Variants in RAB26 observed in about 807,000 individuals in gnomAD.
The protein encoded by RAB26 is RAB26, member RAS oncogene family.
A neutral mutation model predicts 33.1 loss-of-function variants in RAB26; 39 were observed. The ratio of observed to expected loss-of-function variants is 1.18; its 90% confidence interval spans 0.91 to 1.54. The LOEUF (loss-of-function observed/expected upper bound fraction) is 1.54. Ranked by LOEUF, RAB26 falls within the 40% of genes most tolerant of loss-of-function variation. RAB26 has a pLI of 0.00. For missense variants in RAB26, 468 were observed against 362.9 expected (o/e 1.29, Z -2.35); for synonymous variants, 192 against 151.9 (o/e 1.26, Z -1.94).
In RAB26 at chr16:2,152,789, G is replaced by A. The variant is rs371794793; in HGVS notation, c.469-31G>A. 11 of 1,594,578 alleles carry A rather than the reference G, an allele frequency of 6.9e-6. No individual in the cohort carries two copies. The South Asian group carries it at 1.2e-4, about 18-fold the overall frequency. On this transcript the variant is annotated intron_variant, in intron 5 of 8. Coordinates refer to ENST00000210187, the MANE Select transcript of RAB26 (RefSeq NM_014353.5). ...TGGGGCATGGGGCAAGCCATGCAGG[G>A]AGCCCCAGCCTGGTCTGCTGCCTCC...
Position 2,148,702 on chromosome 16 carries a change from G to A in RAB26, c.-82G>A. 3.4e-6 allele frequency: 4 copies of A among 1,168,188 alleles called. No individual in the cohort carries two copies. Among genetic ancestry groups the A allele is most frequent in the Non-Finnish European group, 3.2e-6 (3 of 938,040 alleles). The allele number at this position is 1,168,188 out of a possible 1,614,324, so 72.4% of individuals were successfully genotyped here. ...GCCGCCAGGGGAAGGGTTCGGGTCC[G>A]GGTCGGGCTCGGCGGGCGCGGGGTG... On this transcript the variant is annotated 5_prime_UTR_variant, in exon 1 of 9. Coordinates refer to ENST00000210187, the MANE Select transcript of RAB26 (RefSeq NM_014353.5).
intron 5 of RAB26, among the ~76,000 whole-genome samples, chr16:2,152,542 G>A (rs1038784937): frequency 1.3e-5 from 2 of 151,898 alleles, no homozygotes; most frequent in Non-Finnish European, 1.5e-5. Context: ...GTGGTGGTGC[G>A]TAACTGTAAT....
intron 2 of RAB26, 39 bp from the exon 3 acceptor site, chr16:2,151,530 T>A: frequency 3.1e-6 from 5 of 1,612,876 alleles, no homozygotes; most frequent in Non-Finnish European, 3.4e-6. Context: ...GAGGCTGGGC[T>A]GGGCCCATGC....
At chr16:2,151,831 T>C (rs2093006067) in intron 4 of RAB26, 25 bp from the exon 5 acceptor site, 2 of 1,614,044 alleles carry the variant, frequency 1.2e-6, no homozygotes, top group South Asian at 1.1e-5. Flanking sequence ...TGATGGTGGA[T>C]GTCCTCACTG....
rs752537050 is a variant in RAB26, at chr16:2,153,197, G to A, written c.643G>A (p.Asp215Asn). 2.5e-6 allele frequency: 4 copies of A among 1,613,702 alleles called. No homozygotes were observed. Among genetic ancestry groups the A allele is most frequent in the East Asian group, 2.2e-5 (1 of 44,890 alleles). Residue 215 changes from aspartate (D) to asparagine (N), a missense_variant, in exon 8 of 9, where the codon GAC becomes AAC. Asp to Asn is a conservative substitution (Grantham distance 23). Transcript: ENST00000210187. The part of the protein sequence containing the change: ...ETSAKTGLNV[D>N]LAFTAIAKEL... The stretch of plus-strand genomic sequence containing the variant: ...CAGCGCCAAGACGGGCCTCAACGTG[G>A]ACTTGGCCTTCACAGCCATAGCAAA...
At position 2,153,813 on chromosome 16, in the gene RAB26, C is replaced by T. The variant is rs905057792; in HGVS notation, c.*392C>T. 2.8e-5 allele frequency: 13 copies of T among 466,122 alleles called. No individual in the cohort carries two copies. The highest frequency in any genetic ancestry group is 1.6e-4 in the African/African-American group (8 of 50,514). 28.9% of individuals were successfully genotyped at this position (466,122 alleles called of 1,614,324 possible). A position where few individuals can be genotyped will look rare whatever the true frequency, so the allele number is the denominator to read the frequency against. On this transcript the variant is annotated 3_prime_UTR_variant, in exon 9 of 9. Coordinates refer to ENST00000210187, the MANE Select transcript of RAB26 (RefSeq NM_014353.5). ...ACATGCTCAGGCAGCTAAGGGAGGACGCCTGCCCACGCCTGGGACAGAAGG... is the reference window on the plus strand; with the variant it reads ...ACATGCTCAGGCAGCTAAGGGAGGATGCCTGCCCACGCCTGGGACAGAAGG...
intron 4 of RAB26, 40 bp from the exon 5 acceptor site, chr16:2,151,816 G>A (rs1168877992): frequency 2.5e-6 from 4 of 1,613,988 alleles, no homozygotes; most frequent in East Asian, 4.5e-5. Flanking sequence ...ACCTGAGGGT[G>A]CAGGTGATGG....
chr16:2,153,426 G>T lies in RAB26; in HGVS notation c.*5G>T. On this transcript the variant is annotated 3_prime_UTR_variant, in exon 9 of 9. Transcript: ENST00000210187. ...GCCTCCTGCTGCCGCCCTTGAACCT[G>T]GCTGAGCTCAGTCCTCTGGAGGAAG... 6.2e-7 allele frequency: 1 copy of T among 1,613,104 alleles called. No homozygotes were observed. The highest frequency in any genetic ancestry group is 1.1e-5 in the South Asian group (1 of 91,070).
Position 2,153,057 on chromosome 16 carries a change from C to T in RAB26, c.591+12C>T, listed in dbSNP as rs372546950. On this transcript the variant is annotated intron_variant, in intron 7 of 8. Transcript: ENST00000210187. ...AGAAGCTGGCCAAGGTGAGTCAGGG[C>T]AGGGGGGTGGTGAGGGGGTGCCCCT... 5.0e-6 allele frequency: 8 copies of T among 1,610,846 alleles called. No individual in the cohort carries two copies. Among genetic ancestry groups the T allele is most frequent in the East Asian group, 2.2e-5 (1 of 44,812 alleles).
At chr16:2,149,862 GCTC>G (rs1340370594) in intron 1 of RAB26, 76 bp from the exon 2 acceptor site, 9 of 1,160,064 alleles carry the variant, frequency 7.8e-6, no homozygotes, top group Non-Finnish European at 1.1e-5. Flanking sequence ...CTCCACTCCT[GCTC>G]CTCACCTGCA....
chr16:2,152,735 C>T (rs950677567), intron 5 of RAB26, 85 bp from the exon 6 acceptor site: 1 of 883,020 alleles, frequency 1.1e-6, no homozygotes, highest in Non-Finnish European at 1.7e-6. Flanking sequence ...CAGGTGCCCT[C>T]TACAGTGTGA....
At chr16:2,149,872 T>G in intron 1 of RAB26, 69 bp from the exon 2 acceptor site, 2 of 1,258,664 alleles carry the variant, frequency 1.6e-6, no homozygotes, top group Non-Finnish European at 2.1e-6. Context: ...GCTCCTCACC[T>G]GCAGCCCCCT....
intron 4 of RAB26, 31 bp from the exon 5 acceptor site, chr16:2,151,825 G>A (rs769809265): frequency 1.9e-6 from 3 of 1,613,996 alleles, no homozygotes; most frequent in Non-Finnish European, 2.5e-6. Context: ...TGCAGGTGAT[G>A]GTGGATGTCC....
Position 2,153,481 on chromosome 16 carries a change from G to T in RAB26, c.*60G>T, listed in dbSNP as rs546341114. 1.2e-5 allele frequency: 18 copies of T among 1,514,454 alleles called. No individual in the cohort carries two copies. The East Asian group carries it at 4.1e-4, about 35-fold the overall frequency. 93.8% of individuals were successfully genotyped at this position (1,514,454 alleles called of 1,614,324 possible). A position where few individuals can be genotyped will look rare whatever the true frequency, so the allele number is the denominator to read the frequency against. ...CCAGTCCCTAGAAGGCTGGACAGAG[G>T]GTCTCCAGGCCCTTCTGACTTTGTT... On this transcript the variant is annotated 3_prime_UTR_variant, in exon 9 of 9. Transcript: ENST00000210187.
In RAB26 at chr16:2,149,986, G is replaced by A. The variant is rs1381656745; in HGVS notation, c.241G>A (p.Val81Met). 6.5e-7 allele frequency: 1 copy of A among 1,543,774 alleles called. No individual in the cohort carries two copies. Among genetic ancestry groups the A allele is most frequent in the African/African-American group, 1.4e-5 (1 of 72,678 alleles). The change falls in exon 2 of 9, where the codon GTG becomes ATG. Residue 81 changes from valine to methionine, a missense_variant. Physicochemically the swap from Val to Met is conservative, Grantham distance 21. Coordinates refer to ENST00000210187, the MANE Select transcript of RAB26 (RefSeq NM_014353.5). ...DSGVGKTCLL[V>M]RFKDGAFLAG... Reference sequence around the variant, plus strand: ...GGGTGTGGGGAAGACCTGTCTGCTGGTGCGATTCAAGGATGGTGCTTTCCT... The same window carrying A: ...GGGTGTGGGGAAGACCTGTCTGCTGATGCGATTCAAGGATGGTGCTTTCCT...
At chr16:2,149,058 G>T (rs899974783) in intron 1 of RAB26, 80 bp downstream of exon 1, 84 of 1,230,386 alleles carry the variant, frequency 6.8e-5, no homozygotes, top group Non-Finnish European at 8.4e-5. Context: ...CGGACAGGGG[G>T]TGCAGGGCCC....
rs1479091639 is a variant in RAB26, at chr16:2,149,970, G to A, written c.225G>A (p.Gly75=). ...TGCTGGTGGGGGACTCGGGTGTGGG[G>A]AAGACCTGTCTGCTGGTGCGATTCA... ...KVMLVGDSGV[G]KTCLLVRFKD... Residue 75 remains glycine (G), a synonymous_variant, in exon 2 of 9, where the codon GGG becomes GGA. Transcript: ENST00000210187. 3.5e-5 allele frequency: 54 copies of A among 1,541,318 alleles called. No individual in the cohort carries two copies. Among genetic ancestry groups the A allele is most frequent in the Non-Finnish European group, 4.6e-5 (53 of 1,142,266 alleles).
At chr16:2,149,789 C>G in intron 1 of RAB26, 152 bp from the exon 2 acceptor site, 1 of 563,594 alleles carries the variant, frequency 1.8e-6, no homozygotes, top group Non-Finnish European at 3.1e-6. Flanking sequence ...CAGAGGCATA[C>G]GCTGGGTGTC....
At chr16:2,153,250 C>A (rs747203395) in intron 8 of RAB26, 28 bp downstream of exon 8, 1 of 1,613,654 alleles carries the variant, frequency 6.2e-7, no homozygotes, top group Non-Finnish European at 8.5e-7. Context: ...CCAGGACTCC[C>A]CCAGCCCAGG....
Sources: gnomAD v4.1 joint callset for allele counts (sites outside exome capture counted in the v4.1 genomes callset) on GRCh38, gnomAD v4.1.1 for gene constraint, MANE v1.5 for transcripts, NCBI Gene and HGNC (gene_info 2026-07-23, HGNC 2026-07-21) for gene names.